ESCO2: variants seen among roughly 807,000 people sequenced by gnomAD.
The protein encoded by ESCO2 is N-acetyltransferase ESCO2.
Under a neutral mutation model 61.7 loss-of-function variants are expected in ESCO2, and 51 were observed. The ratio of observed to expected loss-of-function variants is 0.83; its 90% CI spans 0.66 to 1.04. ESCO2 has a LOEUF of 1.04. Among genes scored for constraint, ESCO2 ranks in the 50% least tolerant of loss-of-function variants. ESCO2 has a pLI of 0.00. For synonymous variants in ESCO2, 230 were observed against 238.2 expected (o/e 0.97, Z 0.32); for missense variants, 692 against 686.2 (o/e 1.01, Z -0.09).
rs138043134 is a variant in ESCO2, at chr8:27,797,583, CT to C, written c.1498-1957del. 5.9e-4 allele frequency among the ~76,000 whole-genome samples: 90 copies of C among 152,246 alleles called. No homozygotes were observed. In the East Asian group the frequency reaches 0.015, roughly 26 times the overall value. ...GTAATTATTGATAAATAAGGATTTA[CT>C]ATTGCCATTTTGTTTTGTTTTCTGG... On this transcript the variant is annotated intron_variant, in intron 9 of 10. Transcript: ENST00000305188.
intron 3 of ESCO2, chr8:27,779,234 G>C (rs1022308051): frequency 3.3e-5 from 5 of 152,178 alleles, no homozygotes; most frequent in African/African-American, 1.2e-4. Context: ...TTTTTGTGAG[G>C]ATACCCTTTC....
At chr8:27,791,043 A>G (rs1415645091) in intron 7 of ESCO2, among the ~76,000 whole-genome samples, 1 of 152,186 alleles carries the variant, frequency 6.6e-6, no homozygotes, top group East Asian at 1.9e-4. Flanking sequence ...TGAAAAACCT[A>G]TTCGAATTTT....
chr8:27,791,877 T>C, intron 7 of ESCO2, 86 bp from the exon 8 acceptor site: 1 of 1,129,326 alleles, frequency 8.9e-7, no homozygotes, highest in Admixed American at 1.7e-5. Flanking sequence ...GTTTAGCCTT[T>C]TGTCTTCTCC....
chr8:27,799,170 C>T (rs562964376), intron 9 of ESCO2, among the ~76,000 whole-genome samples: 2 of 152,124 alleles, frequency 1.3e-5, no homozygotes, highest in South Asian at 4.1e-4. Context: ...AACCAAATTT[C>T]ATAGTTAATA....
chr8:27,815,988 C>CAAAG (rs1353530587), downstream of ESCO2, among the ~76,000 whole-genome samples: 1 of 152,136 alleles, frequency 6.6e-6, no homozygotes, highest in Non-Finnish European at 1.5e-5. Context: ...TTACTACATT[C>CAAAG]AAAGAGTTTA....
chr8:27,811,122 T>C, downstream of ESCO2: 1 of 1,613,834 alleles, frequency 6.2e-7, no homozygotes, highest in Non-Finnish European at 8.5e-7. Flanking sequence ...GTAACAAGCC[T>C]CAGGGTCAGT....
At chr8:27,786,154 C>T (rs1048057867) in intron 5 of ESCO2, among the ~76,000 whole-genome samples, 2 of 152,118 alleles carry the variant, frequency 1.3e-5, no homozygotes, top group African/African-American at 4.8e-5. Context: ...TTCATCAGAC[C>T]AGTTTAGGGT....
intron 9 of ESCO2, among the ~76,000 whole-genome samples, chr8:27,795,785 G>A (rs556753243): frequency 6.6e-6 from 1 of 152,226 alleles, no homozygotes; most frequent in East Asian, 1.9e-4. Context: ...TGTTAATATG[G>A]TGTAACACAT....
At chr8:27,791,907 T>C in intron 7 of ESCO2, 56 bp from the exon 8 acceptor site, 1 of 1,322,580 alleles carries the variant, frequency 7.6e-7, no homozygotes. Context: ...TATTTAATGT[T>C]GGTTTTTTTT....
Position 27,803,572 on chromosome 8 carries a change from A to G in ESCO2, c.*134A>G, listed in dbSNP as rs1805501459. 1 of 1,455,312 alleles carries G rather than the reference A, an allele frequency of 6.9e-7. No individual in the cohort carries two copies. Among genetic ancestry groups the G allele is most frequent in the African/African-American group, 1.4e-5 (1 of 69,334 alleles). The allele number at this position is 1,455,312 out of a possible 1,614,324, so 90.1% of individuals were successfully genotyped here. On this transcript the variant is annotated 3_prime_UTR_variant, in exon 11 of 11. Transcript: ENST00000305188. Reference sequence around the variant, plus strand: ...CATACACACACACACACACACGCACACACACATATCACAGTTTTGTTCCTT... The same window carrying G: ...CATACACACACACACACACACGCACGCACACATATCACAGTTTTGTTCCTT...
chr8:27,772,422 A>C, upstream of ESCO2: 1 of 1,329,888 alleles, frequency 7.5e-7, no homozygotes, highest in Non-Finnish European at 1.1e-6. Context: ...AAGGCATTTT[A>C]GAGCGAGGGT....
chr8:27,810,389 T>C, downstream of ESCO2: 3 of 1,608,592 alleles, frequency 1.9e-6, no homozygotes, highest in Non-Finnish European at 2.6e-6. Context: ...CAGAGAAGAG[T>C]TCAATTACTT....
At chr8:27,809,550 GA>G (rs1169488349), downstream of ESCO2, 1 of 152,066 alleles carries the variant, frequency 6.6e-6, no homozygotes, top group Non-Finnish European at 1.5e-5. Flanking sequence ...GAGAGGGAAA[GA>G]AACCTCACAT....
At chr8:27,782,965 T>C (rs918338241) in intron 4 of ESCO2, among the ~76,000 whole-genome samples, 1 of 152,038 alleles carries the variant, frequency 6.6e-6, no homozygotes, top group Admixed American at 6.6e-5. Context: ...CTCAGTAGCC[T>C]GGTTGATATT....
intron 9 of ESCO2, 133 bp from the exon 10 acceptor site, chr8:27,799,408 G>C: frequency 1.0e-6 from 1 of 968,616 alleles, no homozygotes. Context: ...AAGAATTTAA[G>C]AAATAGAAAA....
In ESCO2 at chr8:27,776,467, G is replaced by A. The variant is rs772268185; in HGVS notation, c.159G>A (p.Glu53=). The change falls in exon 3 of 11, where the codon GAG becomes GAA. Residue 53 remains glutamate (E), a synonymous_variant. Coordinates refer to ENST00000305188, the MANE Select transcript of ESCO2 (RefSeq NM_001017420.3). ...AAAACCTGCATTGCTCTCAACAAGA[G>A]CATTTTGTTTTAAGTGCGCTCAAAA... is the stretch of plus-strand genomic sequence containing the variant. ...NEENLHCSQQ[E]HFVLSALKTT... is the part of the protein sequence containing the mutation. The A allele has an allele frequency of 1.2e-6, 2 of 1,611,942 alleles. No homozygotes were observed. Among genetic ancestry groups the A allele is most frequent in the Non-Finnish European group, 1.7e-6 (2 of 1,179,428 alleles).
At chr8:27,781,110 G>A (rs1238398950) in intron 4 of ESCO2, among the ~76,000 whole-genome samples, 1 of 152,090 alleles carries the variant, frequency 6.6e-6, no homozygotes, top group Non-Finnish European at 1.5e-5. Context: ...AATGGTATAA[G>A]GATATGGGAG....
At chr8:27,787,267 C>T (rs967254367) in intron 5 of ESCO2, among the ~76,000 whole-genome samples, 1 of 152,052 alleles carries the variant, frequency 6.6e-6, no homozygotes, top group East Asian at 1.9e-4. Flanking sequence ...TGAATCTCAA[C>T]ATTCTTTCAT....
intron 9 of ESCO2, 22 bp from the exon 10 acceptor site, chr8:27,799,519 A>G: frequency 6.2e-7 from 1 of 1,613,666 alleles, no homozygotes; most frequent in African/African-American, 1.3e-5. Context: ...TTAGCTATAG[A>G]TGCTTCTGTA....
Sources: gnomAD v4.1 joint callset for allele counts (sites outside exome capture counted in the v4.1 genomes callset) on GRCh38, gnomAD v4.1.1 for gene constraint, MANE v1.5 for transcripts, NCBI Gene and HGNC (gene_info 2026-07-23, HGNC 2026-07-21) for gene names.